The following L3MBTL4 variants were observed in gnomAD, a reference collection of about 807,000 sequenced individuals.
L3MBTL4 encodes the protein L3MBTL histone methyl-lysine binding protein 4, also known as lethal(3)malignant brain tumor-like protein 4.
L3MBTL4 carries 70 observed loss-of-function variants against 84.5 expected under a neutral mutation model. That is an observed-to-expected ratio of 0.83 (90% CI 0.68 to 1.01). L3MBTL4 has a LOEUF of 1.01. Ranked by LOEUF, L3MBTL4 falls within the 50% of genes least tolerant of loss-of-function variation. The probability of loss-of-function intolerance (pLI) is 0.00; values close to 1 mark genes in which losing one functional copy is unlikely to be tolerated. For missense variants in L3MBTL4, 715 were observed against 754.8 expected (o/e 0.95, Z 0.62); for synonymous variants, 274 against 259.8 (o/e 1.05, Z -0.52).
intron 16 of L3MBTL4, among the ~76,000 whole-genome samples, chr18:6,039,181 T>C (rs1009837043): frequency 1.3e-5 from 2 of 152,124 alleles, no homozygotes; most frequent in Middle Eastern, 3.4e-3. Flanking sequence ...CTTGACCTTC[T>C]AGCCTCCACA....
At chr18:6,365,805 A>G (rs2053910359) in intron 1 of L3MBTL4, among the ~76,000 whole-genome samples, 1 of 152,244 alleles carries the variant, frequency 6.6e-6, no homozygotes. Flanking sequence ...CTAGTTCTTC[A>G]AGGGACATTA....
At chr18:6,141,770 T>C (rs1422517286) in intron 13 of L3MBTL4, among the ~76,000 whole-genome samples, 1 of 152,242 alleles carries the variant, frequency 6.6e-6, no homozygotes, top group Non-Finnish European at 1.5e-5. Context: ...TCACTCTTCC[T>C]AATCTATTTT....
intron 1 of L3MBTL4, among the ~76,000 whole-genome samples, chr18:6,322,375 GA>G (rs942262765): frequency 7.2e-6 from 1 of 139,594 alleles, no homozygotes; most frequent in Non-Finnish European, 1.5e-5. Flanking sequence ...GAAAGAAAAA[GA>G]AAAAGAAAGA....
At chr18:6,168,520 G>A (rs2043797450) in intron 13 of L3MBTL4, among the ~76,000 whole-genome samples, 1 of 152,090 alleles carries the variant, frequency 6.6e-6, no homozygotes, top group South Asian at 2.1e-4. Flanking sequence ...CAGAAATAAT[G>A]CTGCATATCT....
At chr18:5,979,540 T>A (rs112474390) in intron 16 of L3MBTL4, among the ~76,000 whole-genome samples, 1 of 152,152 alleles carries the variant, frequency 6.6e-6, no homozygotes, top group African/African-American at 2.4e-5. Flanking sequence ...AACACAGCAG[T>A]CTCAGAGACA....
intron 12 of L3MBTL4, among the ~76,000 whole-genome samples, chr18:6,200,284 C>T (rs1015016221): frequency 2.0e-5 from 3 of 152,148 alleles, no homozygotes; most frequent in Non-Finnish European, 2.9e-5. Context: ...ACACCATGCT[C>T]GTACACTGAT....
At chr18:6,106,703 C>T (rs1445017443) in intron 14 of L3MBTL4, among the ~76,000 whole-genome samples, 1 of 152,212 alleles carries the variant, frequency 6.6e-6, no homozygotes, top group African/African-American at 2.4e-5. Context: ...TTCATACCCA[C>T]ATATACACAT....
At chr18:6,127,202 A>G (rs967745224) in intron 14 of L3MBTL4, among the ~76,000 whole-genome samples, 6 of 152,212 alleles carry the variant, frequency 3.9e-5, no homozygotes, top group African/African-American at 7.2e-5. Context: ...AGCTTGTCCA[A>G]CTTGCGGCCC....
chr18:6,108,476 A>G lies in L3MBTL4; in HGVS notation c.1200-14948T>C, dbSNP rs541027155. ...AGCTCTCTAGATGTGTTAGTTATACAATCTATGAAGACTGGAACTAGGTCC... is the reference window on the plus strand; with the variant it reads ...AGCTCTCTAGATGTGTTAGTTATACGATCTATGAAGACTGGAACTAGGTCC... On this transcript the variant is annotated intron_variant, in intron 14 of 18. Transcript: ENST00000317931. 1.1e-3 allele frequency among the ~76,000 whole-genome samples: 171 copies of G among 152,316 alleles called. 1 individual carries two copies. Among genetic ancestry groups the G allele is most frequent in the Middle Eastern group, 6.8e-3 (2 of 294 alleles).
chr18:6,235,858 A>C (rs1475069390), intron 10 of L3MBTL4, among the ~76,000 whole-genome samples: 1 of 152,246 alleles, frequency 6.6e-6, no homozygotes, highest in African/African-American at 2.4e-5. Context: ...CAATAAAAGA[A>C]GAATAAAATA....
At chr18:6,043,076 C>A (rs189696217) in intron 16 of L3MBTL4, among the ~76,000 whole-genome samples, 158 of 152,288 alleles carry the variant, frequency 1.0e-3, no homozygotes, top group African/African-American at 3.3e-3. Context: ...CTCACACCCC[C>A]ATTATCCAAG....
At chr18:6,010,838 G>A (rs761255496) in intron 16 of L3MBTL4, among the ~76,000 whole-genome samples, 19 of 151,938 alleles carry the variant, frequency 1.3e-4, no homozygotes, top group African/African-American at 2.4e-4. Context: ...CCCTCACTAC[G>A]ACAGCAAATT....
chr18:6,012,073 G>A (rs1238853557), intron 16 of L3MBTL4, among the ~76,000 whole-genome samples: 1 of 152,202 alleles, frequency 6.6e-6, no homozygotes, highest in African/African-American at 2.4e-5. Context: ...CCTGCGGGCT[G>A]CTGGACTACG....
intron 4 of L3MBTL4, among the ~76,000 whole-genome samples, chr18:6,275,262 G>C (rs1432019871): frequency 6.6e-6 from 1 of 152,106 alleles, no homozygotes; most frequent in Non-Finnish European, 1.5e-5. Context: ...TAGTGAGAAG[G>C]GGCAGCCAGA....
chr18:6,088,088 G>A (rs1463965379), intron 15 of L3MBTL4, among the ~76,000 whole-genome samples: 1 of 152,154 alleles, frequency 6.6e-6, no homozygotes, highest in Admixed American at 6.6e-5. Flanking sequence ...AGAAGACATG[G>A]CATATGCACA....
intron 13 of L3MBTL4, among the ~76,000 whole-genome samples, chr18:6,144,231 A>G (rs540012138): frequency 4.8e-4 from 72 of 150,876 alleles, no homozygotes; most frequent in African/African-American, 1.7e-3. Context: ...GACAGCAACA[A>G]TTAATACCTG....
chr18:6,284,753 G>A (rs2146623027), intron 4 of L3MBTL4, among the ~76,000 whole-genome samples: 1 of 152,328 alleles, frequency 6.6e-6, no homozygotes, highest in Non-Finnish European at 1.5e-5. Flanking sequence ...CCATGCTGAA[G>A]CCACTCTGTG....
chr18:6,135,644 C>T (rs1449645858), intron 14 of L3MBTL4, among the ~76,000 whole-genome samples: 1 of 152,196 alleles, frequency 6.6e-6, no homozygotes, highest in Non-Finnish European at 1.5e-5. Flanking sequence ...CACCTTTGCT[C>T]CAGTTCCCAA....
intron 16 of L3MBTL4, among the ~76,000 whole-genome samples, chr18:6,023,673 G>A (rs2055369650): frequency 6.6e-6 from 1 of 152,188 alleles, no homozygotes; most frequent in South Asian, 2.1e-4. Context: ...GGTATTTAAA[G>A]TAATTGTAAC....
Sources: gnomAD v4.1 joint callset for allele counts (sites outside exome capture counted in the v4.1 genomes callset) on GRCh38, gnomAD v4.1.1 for gene constraint, MANE v1.5 for transcripts, NCBI Gene and HGNC (gene_info 2026-07-23, HGNC 2026-07-21) for gene names.